Variants in AHNAK2 observed in about 807,000 individuals in gnomAD.
The protein encoded by AHNAK2 is protein AHNAK2.
A neutral mutation model predicts 30.7 loss-of-function variants in AHNAK2; 18 were observed. That is an observed-to-expected ratio of 0.59 (90% CI 0.41 to 0.87). The LOEUF (loss-of-function observed/expected upper bound fraction) is 0.87, where lower values mean the gene tolerates loss of function less well. AHNAK2 is among the 40% of genes least tolerant of loss of function. The pLI, the probability that AHNAK2 is intolerant of heterozygous loss-of-function variation, is 0.00. For synonymous variants in AHNAK2, 3,590 were observed against 3,073.8 expected, an observed-to-expected ratio of 1.17 and a Z score of -5.56; for missense variants, 8,604 against 7,373.0, an observed-to-expected ratio of 1.17 and a Z score of -6.11.
At chr14:104,964,423 G>A (rs1055011454) in intron 1 of AHNAK2, among the ~76,000 whole-genome samples, 1 of 152,122 alleles carries the variant, frequency 6.6e-6, no homozygotes, top group Non-Finnish European at 1.5e-5. Context: ...AAACAGCCTG[G>A]TAGAGCCTTA....
Position 104,942,102 on chromosome 14 carries a change from G to A in AHNAK2, c.13349C>T (p.Ser4450Phe). The A allele has an allele frequency of 1.9e-6, 3 of 1,613,338 alleles. No individual in the cohort carries two copies. Among genetic ancestry groups the A allele is most frequent in the Middle Eastern group, 1.7e-4 (1 of 6,058 alleles). The change falls in exon 7 of 7, where the codon TCC (serine) becomes TTC (phenylalanine). Residue 4450 changes from serine (S) to phenylalanine (F), a missense_variant. Physicochemically the swap from Ser to Phe is radical, Grantham distance 155 (BLOSUM62 -2). Transcript: ENST00000333244. ...LDSTRLEGDLSLADKDVTAKD... is the reference protein window; with the variant it reads ...LDSTRLEGDLFLADKDVTAKD... ...GGCAGTCACGTCCTTGTCAGCCAGG[G>A]ACAGGTCCCCCTCCAGCCGCGTACT...
chr14:104,940,759 G>A lies in AHNAK2; in HGVS notation c.14692C>T (p.Pro4898Ser), dbSNP rs1307406506. 1.2e-6 allele frequency: 2 copies of A among 1,612,920 alleles called. No homozygotes were observed. Among genetic ancestry groups the A allele is most frequent in the East Asian group, 2.2e-5 (1 of 44,886 alleles). ...AAGGGGCACTGCACTCTTTCTCCAG[G>A]GCTAAGAGGAGACATGACTGGGGCA... is the stretch of plus-strand genomic sequence containing the variant. Reference protein sequence around the residue: ...VGAPVMSPLSPGERVQCPLPS... With the variant: ...VGAPVMSPLSSGERVQCPLPS... The change falls in exon 7 of 7, where the codon CCT becomes TCT. Residue 4898 changes from proline (P) to serine (S), a missense_variant. By Grantham distance (74) the Pro-to-Ser change is moderately conservative (BLOSUM62 -1). Coordinates refer to ENST00000333244, the MANE Select transcript of AHNAK2 (RefSeq NM_138420.4). This position sits in a 1 kb window ranked among gnomAD's most constrained non-coding sequence, Gnocchi z 4.4.
intron 1 of AHNAK2, chr14:104,970,308 C>G (rs1899439859): frequency 1.7e-6 from 1 of 593,260 alleles, no homozygotes; most frequent in African/African-American, 2.0e-5. Context: ...TGAACTAACA[C>G]CCCTGCCCGT....
Position 104,946,385 on chromosome 14 carries a change from C to A in AHNAK2, c.9066G>T (p.Lys3022Asn), listed in dbSNP as rs1898269805. The change falls in exon 7 of 7, where the codon AAG (lysine) becomes AAT (asparagine). Residue 3022 changes from lysine (K) to asparagine (N), a missense_variant. Lys to Asn is a moderately conservative substitution (Grantham distance 94). Coordinates refer to ENST00000333244, the MANE Select transcript of AHNAK2 (RefSeq NM_138420.4). ...GGGGCTCAATGCTGATGTCAGTGGT[C>A]TTCAGGTCCCCCTGCATGGAGGGGA... is the stretch of plus-strand genomic sequence containing the variant. ...VSLPSMQGDL[K>N]TTDISIEPPS... 6.2e-7 allele frequency: 1 copy of A among 1,612,542 alleles called. No individual in the cohort carries two copies. The highest frequency in any genetic ancestry group is 8.5e-7 in the Non-Finnish European group (1 of 1,179,540).
rs566449715 is a variant in AHNAK2 at position 104,947,626 on chromosome 14, T to C, written c.7825A>G (p.Met2609Val). The change falls in exon 7 of 7, where the codon ATG (methionine) becomes GTG (valine). Residue 2609 changes from methionine to valine, a missense_variant. By Grantham distance (21) the Met-to-Val change is conservative (BLOSUM62 1). Transcript: ENST00000333244. ...KAEVTAPDVE[M>V]SLSSMEVDVQ... is the part of the protein sequence containing the mutation. ...TCCACCTCCATGCTGGACAGAGACATCTCCACATCGGGGGCTGTCACTTCC... is the reference window on the plus strand; with the variant it reads ...TCCACCTCCATGCTGGACAGAGACACCTCCACATCGGGGGCTGTCACTTCC... The C allele has an allele frequency of 8.2e-5, 132 of 1,610,300 alleles. 1 individual carries two copies. The African/African-American group carries it at 1.4e-3, about 17-fold the overall frequency.
rs547343473 is a variant in AHNAK2 at position 104,948,534 on chromosome 14, A to C, written c.6917T>G (p.Leu2306Arg). ...TTTGGCAGTCACGTCCTTGTCGGCC[A>C]GGGACATGTCCCCCTCCAGCCGCGC... Reference protein sequence around the residue: ...DGARLEGDMSLADKDVTAKDS... With the variant: ...DGARLEGDMSRADKDVTAKDS... The change falls in exon 7 of 7, where the codon CTG becomes CGG. Residue 2306 changes from leucine (L) to arginine (R), a missense_variant. By Grantham distance (102) the Leu-to-Arg change is moderately radical. Coordinates refer to ENST00000333244, the MANE Select transcript of AHNAK2 (RefSeq NM_138420.4). The C allele has an allele frequency of 9.3e-6, 15 of 1,612,088 alleles. No homozygotes were observed. The highest frequency in any genetic ancestry group is 3.3e-4 in the Middle Eastern group (2 of 6,056).
Position 104,949,490 on chromosome 14 carries a change from C to A in AHNAK2, c.5961G>T (p.Lys1987Asn). The change falls in exon 7 of 7, where the codon AAG becomes AAT. Residue 1987 changes from lysine to asparagine, a missense_variant. Physicochemically the swap from Lys to Asn is moderately conservative, Grantham distance 94. Coordinates refer to ENST00000333244, the MANE Select transcript of AHNAK2 (RefSeq NM_138420.4). ...ADKDMTAKDSKFKMPKFKMPS... is the reference protein window; with the variant it reads ...ADKDMTAKDSNFKMPKFKMPS... ...GCATCTTGAATTTGGGCATTTTGAA[C>A]TTGCTGTCTTTGGCAGTCATGTCCT... 6.3e-7 allele frequency: 1 copy of A among 1,588,486 alleles called. No homozygotes were observed. Among genetic ancestry groups the A allele is most frequent in the Non-Finnish European group, 8.6e-7 (1 of 1,163,024 alleles).
rs1383289994 is a variant in AHNAK2 at position 104,951,294 on chromosome 14, T to A, written c.4157A>T (p.Glu1386Val). The part of the protein sequence containing the change: ...LSIQPPSTDL[E>V]LQAGQLDVKL... ...CACGTCCAATTGGCCAGCCTGGAGC[T>A]CCAGGTCAGTGGAAGGGGGCTGAAT... The change falls in exon 7 of 7, where the codon GAG (glutamate) becomes GTG (valine). Residue 1386 changes from glutamate (E) to valine (V), a missense_variant. Physicochemically the swap from Glu to Val is moderately radical, Grantham distance 121. Transcript: ENST00000333244. 1 of 1,060,662 alleles carries A rather than the reference T, an allele frequency of 9.4e-7. No homozygotes were observed. Among genetic ancestry groups the A allele is most frequent in the Admixed American group, 2.2e-5 (1 of 46,484 alleles). 65.7% of individuals were successfully genotyped at this position (1,060,662 alleles called of 1,614,324 possible).
chr14:104,963,740 G>A (rs1899217737), intron 1 of AHNAK2, among the ~76,000 whole-genome samples: 1 of 151,380 alleles, frequency 6.6e-6, no homozygotes, highest in African/African-American at 2.4e-5. Flanking sequence ...TGAGGCAGGA[G>A]AATGGCGTGA....
chr14:104,962,341 G>A (rs1595429401), intron 1 of AHNAK2, among the ~76,000 whole-genome samples: 1 of 152,206 alleles, frequency 6.6e-6, no homozygotes, highest in East Asian at 1.9e-4. Context: ...AATCAAGACA[G>A]TGCGGCAGAA....
At chr14:104,974,103 GA>G (rs1469228139) in intron 1 of AHNAK2, among the ~76,000 whole-genome samples, 1 of 152,218 alleles carries the variant, frequency 6.6e-6, no homozygotes, top group Non-Finnish European at 1.5e-5. Flanking sequence ...TCCAAAAAAA[GA>G]AAAATAAAGG....
intron 1 of AHNAK2, among the ~76,000 whole-genome samples, chr14:104,960,744 A>T (rs1899111377): frequency 1.3e-5 from 2 of 152,252 alleles, no homozygotes; most frequent in Admixed American, 1.3e-4. Context: ...TAAGGTTAGT[A>T]AAATGATTGA....
rs752439798 is a variant in AHNAK2 at position 104,942,872 on chromosome 14, C to A, written c.12579G>T (p.Gln4193His). The A allele has an allele frequency of 1.9e-6, 3 of 1,612,942 alleles. No individual in the cohort carries two copies. The highest frequency in any genetic ancestry group is 1.7e-6 in the Non-Finnish European group (2 of 1,179,532). The stretch of plus-strand genomic sequence containing the variant: ...GGAGTTTCACGTCCACTTGGCCAGC[C>A]TGGACCTCCAGGTCGGCGGAAGGGG... ...IQSPSADLEV[Q>H]AGQVDVKLPE... is the part of the protein sequence containing the mutation. Residue 4193 changes from glutamine to histidine, a missense_variant, in exon 7 of 7, where the codon CAG becomes CAT. By Grantham distance (24) the Gln-to-His change is conservative. Transcript: ENST00000333244.
In AHNAK2 at chr14:104,953,245, C is replaced by G; in HGVS notation, c.2206G>C (p.Asp736His). Residue 736 changes from aspartate to histidine, a missense_variant, in exon 7 of 7, where the codon GAT becomes CAT. Asp to His is a moderately conservative substitution (Grantham distance 81, BLOSUM62 -1). Coordinates refer to ENST00000333244, the MANE Select transcript of AHNAK2 (RefSeq NM_138420.4). ...QTPSADLEVQDGQVDVKLPEG... is the reference protein window; with the variant it reads ...QTPSADLEVQHGQVDVKLPEG... ...GGAAGTTTCACATCCACTTGGCCAT[C>G]CTGGACCTCCAGGTCAGCGGAAGGG... The G allele has an allele frequency of 6.2e-7, 1 of 1,613,108 alleles. No homozygotes were observed. The highest frequency in any genetic ancestry group is 8.5e-7 in the Non-Finnish European group (1 of 1,179,694).
intron 1 of AHNAK2, among the ~76,000 whole-genome samples, chr14:104,972,303 G>C (rs113021222): frequency 2.0e-4 from 30 of 152,298 alleles, no homozygotes; most frequent in Non-Finnish European, 4.1e-4. Context: ...AGCTGGCCAC[G>C]TCTGCTCCAG....
rs746369892 is a variant in AHNAK2, at chr14:104,949,684, C to T, written c.5767G>A (p.Gly1923Ser). 2.5e-6 allele frequency: 4 copies of T among 1,587,168 alleles called. No homozygotes were observed. The highest frequency in any genetic ancestry group is 2.8e-5 in the African/African-American group (2 of 72,586). The change falls in exon 7 of 7, where the codon GGC (glycine) becomes AGC (serine). Residue 1923 changes from glycine to serine, a missense_variant. Gly to Ser is a moderately conservative substitution (Grantham distance 56). Coordinates refer to ENST00000333244, the MANE Select transcript of AHNAK2 (RefSeq NM_138420.4). ...SFKMPKVDLK[G>S]PQTDVKGAKL... ...GCGCCCTTAACATCTGTCTGGGGGC[C>T]CTTGAGGTCCACTTTGGGCATCTTG...
In AHNAK2 at chr14:104,941,785, T is replaced by A; in HGVS notation, c.13666A>T (p.Met4556Leu). The A allele has an allele frequency of 6.2e-7, 1 of 1,611,996 alleles. No homozygotes were observed. Among genetic ancestry groups the A allele is most frequent in the Non-Finnish European group, 8.5e-7 (1 of 1,179,216 alleles). ...GGGCCCTTGAGGTCCACTTTGGGCA[T>A]CTTGAAACTGGGCATCTCCACCTTG... ...LPKVEMPSFK[M>L]PKVDLKGPQV... Residue 4556 changes from methionine (M) to leucine (L), a missense_variant, in exon 7 of 7, where the codon ATG becomes TTG. Met to Leu is a conservative substitution (Grantham distance 15). Coordinates refer to ENST00000333244, the MANE Select transcript of AHNAK2 (RefSeq NM_138420.4).
chr14:104,976,108 C>T lies in AHNAK2; in HGVS notation c.55+2075G>A, dbSNP rs1253288072. Among the ~76,000 whole-genome samples, 3 of 149,666 alleles carry T rather than the reference C, an allele frequency of 2.0e-5. No individual in the cohort carries two copies. The East Asian group carries it at 6.2e-4, about 31-fold the overall frequency. On this transcript the variant is annotated intron_variant, in intron 1 of 6. Coordinates refer to ENST00000333244, the MANE Select transcript of AHNAK2 (RefSeq NM_138420.4). ...GGGGCAGCAGGTGCAGGGTGGGGGC[C>T]GGGGCCGGGGAGGGGTTCCCTGTCT...
chr14:104,954,113 C>T lies in AHNAK2; in HGVS notation c.1338G>A (p.Met446Ile). The part of the protein sequence containing the change: ...RKPRAQPTPG[M>I]SREGEGEGLQ... Reference sequence around the variant, plus strand: ...GTCCCTCGCCTTCACCCTCCCGGCTCATTCCAGGAGTTGGCTGGGCCCTGG... The same window carrying T: ...GTCCCTCGCCTTCACCCTCCCGGCTTATTCCAGGAGTTGGCTGGGCCCTGG... The change falls in exon 7 of 7, where the codon ATG becomes ATA. Residue 446 changes from methionine to isoleucine, a missense_variant. By Grantham distance (10) the Met-to-Ile change is conservative. Transcript: ENST00000333244. The surrounding 1 kb of genome is among the most constrained non-coding windows in gnomAD (Gnocchi z 4.3). The T allele has an allele frequency of 6.2e-7, 1 of 1,612,398 alleles. No individual in the cohort carries two copies. The highest frequency in any genetic ancestry group is 1.1e-5 in the South Asian group (1 of 91,084).
Sources: gnomAD v4.1 joint callset for allele counts (sites outside exome capture counted in the v4.1 genomes callset) on GRCh38, gnomAD v4.1.1 for gene constraint, Gnocchi (gnomAD v3.1) non-coding constraint, MANE v1.5 for transcripts, NCBI Gene and HGNC (gene_info 2026-07-23, HGNC 2026-07-21) for gene names.